ZNRF1: variants seen among roughly 807,000 people sequenced by gnomAD.
The protein encoded by ZNRF1 is E3 ubiquitin-protein ligase ZNRF1.
In ZNRF1, 3 loss-of-function variants were observed where a neutral mutation model predicts 18.4. That is an observed-to-expected ratio of 0.16 (90% CI 0.07 to 0.42). ZNRF1 has a LOEUF of 0.42. Ranked by LOEUF, ZNRF1 falls within the 10% of genes least tolerant of loss-of-function variation. ZNRF1 has a pLI of 0.99. For missense variants in ZNRF1, 310 were observed against 329.8 expected (o/e 0.94, Z 0.47); for synonymous variants, 157 against 144.2 (o/e 1.09, Z -0.64).
intron 1 of ZNRF1, among the ~76,000 whole-genome samples, chr16:75,075,415 C>T (rs568745433): frequency 2.0e-5 from 3 of 152,334 alleles, no homozygotes; most frequent in South Asian, 2.1e-4. Flanking sequence ...GGTTCCTAAC[C>T]GACATTCTGT....
intron 2 of ZNRF1, among the ~76,000 whole-genome samples, chr16:75,101,630 C>A (rs73615826): frequency 0.023 from 3,559 of 152,268 alleles, 159 homozygotes; most frequent in African/African-American, 0.082. Context: ...TATCCATCCA[C>A]CAACCCATCT....
intron 1 of ZNRF1, among the ~76,000 whole-genome samples, chr16:75,077,509 C>T (rs2035955103): frequency 6.6e-6 from 1 of 152,112 alleles, no homozygotes; most frequent in Non-Finnish European, 1.5e-5. Context: ...TCCAGCCTGG[C>T]GACAGAGCGA....
intron 1 of ZNRF1, chr16:75,046,618 C>T (rs779209506): frequency 1.3e-5 from 2 of 152,118 alleles, no homozygotes; most frequent in African/African-American, 4.8e-5. Flanking sequence ...CTCTGTCGCC[C>T]AGGCTGGAGC....
At chr16:75,011,597 C>G (rs2035001141) in intron 1 of ZNRF1, among the ~76,000 whole-genome samples, 2 of 152,152 alleles carry the variant, frequency 1.3e-5, no homozygotes, top group African/African-American at 2.4e-5. Context: ...CATGTACATC[C>G]TATATTATTA....
At chr16:75,068,254 C>T (rs1376881435) in intron 1 of ZNRF1, among the ~76,000 whole-genome samples, 1 of 150,256 alleles carries the variant, frequency 6.7e-6, no homozygotes, top group Non-Finnish European at 1.5e-5. Flanking sequence ...GTCTCAGCTA[C>T]TCCAGAGACT....
chr16:75,036,551 A>G (rs2035377918), intron 1 of ZNRF1, among the ~76,000 whole-genome samples: 1 of 150,512 alleles, frequency 6.6e-6, no homozygotes, highest in South Asian at 2.1e-4. Context: ...TTTCCTATCC[A>G]ATACTTTCAT....
intron 1 of ZNRF1, among the ~76,000 whole-genome samples, chr16:75,049,845 T>TTGTG (rs56377786): frequency 0.31 from 46,233 of 148,954 alleles, 7,909 homozygotes; most frequent in East Asian, 0.59. Context: ...ATGCACCCAT[T>TTGTG]TGTGTGTGTG....
chr16:75,015,833 A>T lies in ZNRF1; in HGVS notation c.424+15738A>T, dbSNP rs75925274. The stretch of plus-strand genomic sequence containing the variant: ...AATGGGGCAAGATAGGGATATATAT[A>T]TTTTTCCATATGTGAATAACCAGCT... On this transcript the variant is annotated intron_variant, in intron 1 of 4. Coordinates refer to ENST00000335325, the MANE Select transcript of ZNRF1 (RefSeq NM_032268.5). Among the ~76,000 whole-genome samples the T allele has an allele frequency of 9.5e-3, 1,438 of 151,614 alleles. 27 individuals are homozygous for T. The highest frequency in any genetic ancestry group is 0.033 in the African/African-American group (1,354 of 41,294).
Position 74,999,420 on chromosome 16 carries a change from T to G in ZNRF1, c.-252T>G. ...GAGCCCGCGCCGGACTGCGCCTCTTTGGACCTTGAGGGGAAACATGCGTTT... is the reference window on the plus strand; with the variant it reads ...GAGCCCGCGCCGGACTGCGCCTCTTGGGACCTTGAGGGGAAACATGCGTTT... On this transcript the variant is annotated 5_prime_UTR_variant, in exon 1 of 5. Transcript: ENST00000335325. 1 of 345,160 alleles carries G rather than the reference T, an allele frequency of 2.9e-6. No homozygotes were observed. Among genetic ancestry groups the G allele is most frequent in the East Asian group, 4.2e-5 (1 of 23,664 alleles). The allele number at this position is 345,160 out of a possible 1,614,324, so 21.4% of individuals were successfully genotyped here.
At chr16:75,101,553 A>AG (rs1222113309) in intron 2 of ZNRF1, among the ~76,000 whole-genome samples, 8 of 152,118 alleles carry the variant, frequency 5.3e-5, no homozygotes, top group African/African-American at 1.9e-4. Flanking sequence ...TCAAAAAAAA[A>AG]AGAGAGAGAA....
intron 1 of ZNRF1, among the ~76,000 whole-genome samples, chr16:75,054,533 G>C (rs1002478393): frequency 6.6e-6 from 1 of 152,238 alleles, no homozygotes; most frequent in African/African-American, 2.4e-5. Context: ...GGTATGGTCA[G>C]AGTGGAGGTC....
chr16:75,042,532 C>T (rs1436818115), intron 1 of ZNRF1, among the ~76,000 whole-genome samples: 1 of 150,270 alleles, frequency 6.7e-6, no homozygotes, highest in Non-Finnish European at 1.5e-5. Flanking sequence ...CCTGAATTCC[C>T]TTGGCAGAAT....
chr16:75,048,859 A>T (rs959751563), intron 1 of ZNRF1, among the ~76,000 whole-genome samples: 1 of 151,972 alleles, frequency 6.6e-6, no homozygotes, highest in Non-Finnish European at 1.5e-5. Flanking sequence ...GGTTTTTAAA[A>T]CCTGTGGATA....
At chr16:75,024,406 G>C (rs1567469440) in intron 1 of ZNRF1, among the ~76,000 whole-genome samples, 1 of 152,198 alleles carries the variant, frequency 6.6e-6, no homozygotes, top group Non-Finnish European at 1.5e-5. Flanking sequence ...ATGATACGGA[G>C]TTAGGTGCCT....
Position 75,104,500 on chromosome 16 carries a change from C to G in ZNRF1, c.521-284C>G, listed in dbSNP as rs950211568. The stretch of plus-strand genomic sequence containing the variant: ...CATGCTGCCCCTGCTTCCTGTCTAC[C>G]CTTCTCCAAGCCTTTTTCGTCCGCT... On this transcript the variant is annotated intron_variant, in intron 2 of 4. Coordinates refer to ENST00000335325, the MANE Select transcript of ZNRF1 (RefSeq NM_032268.5). The G allele has an allele frequency of 1.1e-5, 3 of 282,796 alleles. No homozygotes were observed. In the East Asian group the frequency reaches 2.7e-4, roughly 25 times the overall value. The allele number at this position is 282,796 out of a possible 1,614,324, so 17.5% of individuals were successfully genotyped here.
At chr16:75,083,402 A>G (rs1440253429) in intron 1 of ZNRF1, among the ~76,000 whole-genome samples, 1 of 152,232 alleles carries the variant, frequency 6.6e-6, no homozygotes, top group African/African-American at 2.4e-5. Flanking sequence ...TCTGATGCCT[A>G]GTCTGATTCT....
chr16:75,096,349 G>T (rs1262070695), intron 2 of ZNRF1, among the ~76,000 whole-genome samples: 1 of 152,080 alleles, frequency 6.6e-6, no homozygotes, highest in African/African-American at 2.4e-5. Context: ...ATTTGCTTCC[G>T]GGGGTGTATG....
chr16:75,021,273 A>G (rs1180673797), intron 1 of ZNRF1, among the ~76,000 whole-genome samples: 1 of 151,596 alleles, frequency 6.6e-6, no homozygotes, highest in Non-Finnish European at 1.5e-5. Flanking sequence ...TCCTGACCTC[A>G]AGTGATCCAT....
At chr16:75,023,214 T>G (rs1374142116) in intron 1 of ZNRF1, among the ~76,000 whole-genome samples, 2 of 152,180 alleles carry the variant, frequency 1.3e-5, no homozygotes, top group African/African-American at 4.8e-5. Context: ...AACTCATCTT[T>G]TCTCTCCACC....
Sources: allele counts gnomAD v4.1 joint callset (sites outside exome capture counted in the v4.1 genomes callset), GRCh38; gene constraint gnomAD v4.1.1; transcripts MANE v1.5; gene names NCBI Gene and HGNC (gene_info 2026-07-23, HGNC 2026-07-21).